The following KCNN3 variants were observed in gnomAD, a reference collection of about 807,000 sequenced individuals.
The protein encoded by KCNN3 is small conductance calcium-activated potassium channel protein 3.
In KCNN3, 16 loss-of-function variants were observed where a neutral mutation model predicts 62.9. The ratio of observed to expected loss-of-function variants is 0.25; its 90% CI spans 0.17 to 0.39. The LOEUF (loss-of-function observed/expected upper bound fraction) is 0.39. Among genes scored for constraint, KCNN3 ranks in the 10% least tolerant of loss-of-function variants. KCNN3 has a pLI of 1.00. For missense variants in KCNN3, 599 were observed against 949.4 expected (o/e 0.63, Z 4.85); for synonymous variants, 370 against 389.2 (o/e 0.95, Z 0.58).
intron 1 of KCNN3, among the ~76,000 whole-genome samples, chr1:154,826,198 C>T (rs947212422): frequency 6.6e-6 from 1 of 151,860 alleles, no homozygotes; most frequent in Admixed American, 6.6e-5. Flanking sequence ...AGTATATTTC[C>T]AATTATTTCA....
intron 3 of KCNN3, among the ~76,000 whole-genome samples, chr1:154,755,777 AGAGAGAGAGG>A (rs1647643336): frequency 1.2e-4 from 1 of 8,512 alleles, no homozygotes; most frequent in Non-Finnish European, 2.4e-4. Context: ...GTGGAGGAGG[AGAGAGAGAGG>A]GGAGGAGGAG....
At chr1:154,861,092 T>A (rs1489917232) in intron 1 of KCNN3, among the ~76,000 whole-genome samples, 1 of 151,544 alleles carries the variant, frequency 6.6e-6, no homozygotes, top group Non-Finnish European at 1.5e-5. Context: ...GGAGCTGGGA[T>A]AACAGGCGTG....
At chr1:154,776,099 G>A (rs1437018579) in intron 2 of KCNN3, among the ~76,000 whole-genome samples, 2 of 152,206 alleles carry the variant, frequency 1.3e-5, no homozygotes, top group Admixed American at 6.5e-5. Context: ...CAGGTGCCCC[G>A]CCTTGGTTGT....
intron 5 of KCNN3, among the ~76,000 whole-genome samples, chr1:154,722,284 T>C (rs1321073968): frequency 6.6e-6 from 1 of 152,190 alleles, no homozygotes; most frequent in African/African-American, 2.4e-5. Flanking sequence ...ATCTACTAAT[T>C]GCCCACTCCG....
intron 2 of KCNN3, among the ~76,000 whole-genome samples, chr1:154,813,832 A>T (rs1650540362): frequency 6.6e-6 from 1 of 152,230 alleles, no homozygotes. Flanking sequence ...ACCCCATCGG[A>T]GACGCCAGCC....
rs1699951307 is a variant in KCNN3, at chr1:154,705,568, C to T, written c.*2408G>A. ...TTGCTAGTTTGGTCTTTAGGGTTTACCTAAGTGAGAGCATCAATGATGGGT... is the reference window on the plus strand; with the variant it reads ...TTGCTAGTTTGGTCTTTAGGGTTTATCTAAGTGAGAGCATCAATGATGGGT... On this transcript the variant is annotated 3_prime_UTR_variant, in exon 8 of 8. Coordinates refer to ENST00000271915, the MANE Select transcript of KCNN3 (RefSeq NM_002249.6). The T allele has an allele frequency of 6.6e-6, 1 of 152,044 alleles. No individual in the cohort carries two copies. The highest frequency in any genetic ancestry group is 1.5e-5 in the Non-Finnish European group (1 of 68,004). 9.4% of individuals were successfully genotyped at this position (152,044 alleles called of 1,614,324 possible). A position where few individuals can be genotyped will look rare whatever the true frequency, so the allele number is the denominator to read the frequency against.
At chr1:154,731,568 G>A (rs1372947422) in intron 4 of KCNN3, among the ~76,000 whole-genome samples, 8 of 152,226 alleles carry the variant, frequency 5.3e-5, no homozygotes, top group African/African-American at 1.2e-4. Flanking sequence ...GCTGTGAGGC[G>A]TTCACTCAGA....
chr1:154,868,000 G>A (rs1277925118), intron 1 of KCNN3: 1 of 985,246 alleles, frequency 1.0e-6, no homozygotes, highest in Non-Finnish European at 1.2e-6. Flanking sequence ...TCCGTCTTGG[G>A]GCTGGACTGA....
intron 1 of KCNN3, among the ~76,000 whole-genome samples, chr1:154,861,533 C>A (rs1194356472): frequency 1.3e-5 from 2 of 152,154 alleles, no homozygotes; most frequent in Non-Finnish European, 1.5e-5. Flanking sequence ...ACTCTGCCCC[C>A]TCTCCCCGGG....
At position 154,869,854 on chromosome 1, in the gene KCNN3, T is replaced by TGC; in HGVS notation, c.110_111insGC (p.Gln38HisfsTer139). On this transcript the variant is annotated frameshift_variant, in exon 1 of 8. Transcript: ENST00000271915. LOFTEE classifies it high-confidence loss of function. The surrounding 1 kb of genome is among the most constrained non-coding windows in gnomAD (Gnocchi z 6.1). ...CTGGCGGTGGTGGCTGCTGCTGCTG[T>TGC]TGCTGCTGCTGCTGCTGCTGCTGCT... The TGC allele has an allele frequency of 1.3e-6, 2 of 1,583,706 alleles. No homozygotes were observed. The highest frequency in any genetic ancestry group is 4.6e-5 in the East Asian group (2 of 43,458).
chr1:154,749,232 C>T (rs1462515982), intron 3 of KCNN3, among the ~76,000 whole-genome samples: 1 of 152,268 alleles, frequency 6.6e-6, no homozygotes, highest in Non-Finnish European at 1.5e-5. Flanking sequence ...ACGAAGACTT[C>T]AATGTGAATG....
intron 2 of KCNN3, among the ~76,000 whole-genome samples, chr1:154,790,898 G>A (rs1178717359): frequency 6.6e-6 from 1 of 152,136 alleles, no homozygotes; most frequent in African/African-American, 2.4e-5. Flanking sequence ...ACATCAATAT[G>A]AGTAAACATA....
chr1:154,725,832 T>G, intron 5 of KCNN3, 84 bp downstream of exon 5: 1 of 1,001,096 alleles, frequency 1.0e-6, no homozygotes, highest in Non-Finnish European at 1.6e-6. Flanking sequence ...CGTGAGCCAC[T>G]GCACCCGTTG....
rs1650238632 is a variant in KCNN3 at position 154,807,678 on chromosome 1, T to A, written c.1029+14411A>T. Among the ~76,000 whole-genome samples, 5 of 152,260 alleles carry A rather than the reference T, an allele frequency of 3.3e-5. No individual in the cohort carries two copies. In the South Asian group the frequency reaches 1.0e-3, roughly 32 times the overall value. ...GTGAACAATAAGGGAAGAGCAAAAT[T>A]GTAAAATCCTAAGGTTCTTGTGAAG... On this transcript the variant is annotated intron_variant, in intron 2 of 7. Coordinates refer to ENST00000271915, the MANE Select transcript of KCNN3 (RefSeq NM_002249.6).
At chr1:154,745,769 C>T (rs1700924638) in intron 3 of KCNN3, among the ~76,000 whole-genome samples, 1 of 152,170 alleles carries the variant, frequency 6.6e-6, no homozygotes, top group Non-Finnish European at 1.5e-5. Context: ...TGTTTTCTTT[C>T]TTCTTATTAA....
At position 154,840,051 on chromosome 1, in the gene KCNN3, T is replaced by G. The variant is rs1338588972; in HGVS notation, c.934-17867A>C. 2.0e-5 allele frequency among the ~76,000 whole-genome samples: 3 copies of G among 152,072 alleles called. No homozygotes were observed. In the East Asian group the frequency reaches 5.8e-4, roughly 29 times the overall value. On this transcript the variant is annotated intron_variant, in intron 1 of 7. Transcript: ENST00000271915. ...GCACTGGAAATTGTACTTACTCCAT[T>G]TGGTTTGTCTATTTGTCTCTTGCAA...
rs1653081899 is a variant in KCNN3 at position 154,869,343 on chromosome 1, G to A, written c.622C>T (p.Leu208Phe). ...GGGTTGCTAGGGCTGAAAAGCTGGA[G>A]GGGTTGGCCCTCAGTCTCGGCCTCG... is the stretch of plus-strand genomic sequence containing the variant. ...LIEAETEGQP[L>F]QLFSPSNPPE... The change falls in exon 1 of 8, where the codon CTC (leucine) becomes TTC (phenylalanine). Residue 208 changes from leucine to phenylalanine, a missense_variant. Coordinates refer to ENST00000271915, the MANE Select transcript of KCNN3 (RefSeq NM_002249.6). This position sits in a 1 kb window ranked among gnomAD's most constrained non-coding sequence, Gnocchi z 6.1. 6.2e-7 allele frequency: 1 copy of A among 1,613,956 alleles called. No individual in the cohort carries two copies. Among genetic ancestry groups the A allele is most frequent in the Non-Finnish European group, 8.5e-7 (1 of 1,179,828 alleles).
At chr1:154,714,125 G>GT (rs1700143588) in intron 6 of KCNN3, among the ~76,000 whole-genome samples, 1 of 122,718 alleles carries the variant, frequency 8.1e-6, no homozygotes, top group Non-Finnish European at 1.7e-5. Flanking sequence ...GGTGTGTGTG[G>GT]GTTGTGTGTG....
At chr1:154,713,352 G>T in intron 7 of KCNN3, 112 bp downstream of exon 7, 3 of 824,432 alleles carry the variant, frequency 3.6e-6, no homozygotes, top group Non-Finnish European at 2.1e-6. Flanking sequence ...ATTTTTCTTT[G>T]CTTGCCTGGT....
Sources: gnomAD v4.1 joint callset for allele counts (sites outside exome capture counted in the v4.1 genomes callset) on GRCh38, gnomAD v4.1.1 for gene constraint, Gnocchi (gnomAD v3.1) non-coding constraint, MANE v1.5 for transcripts, NCBI Gene and HGNC (gene_info 2026-07-23, HGNC 2026-07-21) for gene names.